Variants in PAPLN observed in about 807,000 individuals in gnomAD.
PAPLN encodes papilin, proteoglycan like sulfated glycoprotein.
PAPLN carries 146 observed loss-of-function variants against 159.0 expected under a neutral mutation model. The ratio of observed to expected loss-of-function variants is 0.92; its 90% CI spans 0.80 to 1.05. The LOEUF is 1.05. Ranked by LOEUF, PAPLN falls within the 50% of genes least tolerant of loss-of-function variation. The probability of loss-of-function intolerance (pLI) is 0.00; values close to 1 mark genes in which losing one functional copy is unlikely to be tolerated. For missense variants in PAPLN, 1,720 were observed against 1,743.9 expected, an observed-to-expected ratio of 0.99 and a Z score of 0.24; for synonymous variants, 734 against 702.9, an observed-to-expected ratio of 1.04 and a Z score of -0.70.
chr14:73,263,812 C>T (rs1477018188), intron 20 of PAPLN, 30 bp downstream of exon 20: 4 of 1,579,388 alleles, frequency 2.5e-6, no homozygotes, highest in East Asian at 2.3e-5. Flanking sequence ...CCTCCTCTGA[C>T]AGGTGTGACA....
Position 73,254,863 on chromosome 14 carries a change from C to A in PAPLN, c.1486-14C>A, listed in dbSNP as rs772606341. The stretch of plus-strand genomic sequence containing the variant: ...GCCCTCAGCATCTCTCTCTCTCCCA[C>A]TCGTGGGCCTCAGTGCTCCAAGAGC... On this transcript the variant is annotated splice_polypyrimidine_tract_variant and intron_variant, in intron 13 of 26. Coordinates refer to ENST00000644200, the MANE Select transcript of PAPLN (RefSeq NM_001365906.3). 1.2e-6 allele frequency: 2 copies of A among 1,610,108 alleles called. No homozygotes were observed. Among genetic ancestry groups the A allele is most frequent in the South Asian group, 1.1e-5 (1 of 91,032 alleles).
chr14:73,263,507 T>C (rs1594822931), intron 19 of PAPLN, 138 bp from the exon 20 acceptor site: 1 of 1,098,496 alleles, frequency 9.1e-7, no homozygotes, highest in South Asian at 1.4e-5. Context: ...GGGCTCTGCC[T>C]CCCATAGGGA....
Position 73,263,301 on chromosome 14 carries a change from C to T in PAPLN, c.2724-344C>T, listed in dbSNP as rs531637226. 4.6e-4 allele frequency: 188 copies of T among 406,506 alleles called. 1 individual carries two copies. The highest frequency in any genetic ancestry group is 3.3e-3 in the African/African-American group (166 of 50,788). 25.2% of individuals were successfully genotyped at this position (406,506 alleles called of 1,614,324 possible). On this transcript the variant is annotated intron_variant, in intron 19 of 26. Coordinates refer to ENST00000644200, the MANE Select transcript of PAPLN (RefSeq NM_001365906.3). ...GGAAGGTTAAAAACAAAATTAAAAG[C>T]GTTGTGTTCCACATGGGTCGAGCGT...
chr14:73,242,367 C>T (rs1004131388), intron 2 of PAPLN, among the ~76,000 whole-genome samples: 2 of 152,234 alleles, frequency 1.3e-5, no homozygotes, highest in African/African-American at 4.8e-5. Context: ...ACACCCAGCC[C>T]AGCTCCAGGG....
At chr14:73,266,430 C>A in intron 23 of PAPLN, 71 bp from the exon 24 acceptor site, 1 of 1,566,650 alleles carries the variant, frequency 6.4e-7, no homozygotes, top group Non-Finnish European at 8.7e-7. Flanking sequence ...TGACCCCATG[C>A]TCGAGGGACG....
At chr14:73,241,234 CA>C (rs1883507902) in intron 2 of PAPLN, among the ~76,000 whole-genome samples, 1 of 152,186 alleles carries the variant, frequency 6.6e-6, no homozygotes, top group African/African-American at 2.4e-5. Context: ...GACCACCTGC[CA>C]GCTACCCACG....
Position 73,265,464 on chromosome 14 carries a change from G to C in PAPLN, c.3220G>C (p.Ala1074Pro). Residue 1074 changes from alanine to proline, a missense_variant, in exon 23 of 27, where the codon GCC becomes CCC. Transcript: ENST00000644200. This position sits in a 1 kb window ranked among gnomAD's most constrained non-coding sequence, Gnocchi z 4.1. Reference protein sequence around the residue: ...TCRAEGFPPPAIEWQRDGQPV... With the variant: ...TCRAEGFPPPPIEWQRDGQPV... Reference sequence around the variant, plus strand: ...CCGTGCCGAAGGCTTCCCGCCCCCAGCCATCGAGTGGCAGAGAGATGGGCA... The same window carrying C: ...CCGTGCCGAAGGCTTCCCGCCCCCACCCATCGAGTGGCAGAGAGATGGGCA... 1 of 1,613,812 alleles carries C rather than the reference G, an allele frequency of 6.2e-7. No homozygotes were observed. The highest frequency in any genetic ancestry group is 1.3e-5 in the African/African-American group (1 of 75,058).
chr14:73,254,164 C>T (rs1199841944), intron 12 of PAPLN, among the ~76,000 whole-genome samples: 2 of 152,138 alleles, frequency 1.3e-5, no homozygotes, highest in Non-Finnish European at 2.9e-5. Flanking sequence ...CTCCAGGATC[C>T]CAGGGCAGGG....
At chr14:73,263,341 A>G in intron 19 of PAPLN, 2 of 512,346 alleles carry the variant, frequency 3.9e-6, no homozygotes, top group Non-Finnish European at 7.0e-6. Flanking sequence ...TTTAGCCCCC[A>G]CATGAACCTG....
chr14:73,238,009 C>A (rs1883153424), intron 1 of PAPLN, among the ~76,000 whole-genome samples: 2 of 152,174 alleles, frequency 1.3e-5, no homozygotes, highest in Admixed American at 6.5e-5. Flanking sequence ...TGCGCGGCCA[C>A]CCCGGGCCTC....
chr14:73,237,717 G>A (rs1029203118), intron 1 of PAPLN, 125 bp downstream of exon 1: 5 of 152,246 alleles, frequency 3.3e-5, no homozygotes, highest in African/African-American at 9.7e-5. Flanking sequence ...AGTGGGGGCC[G>A]CAGAGAAGAC....
At position 73,266,704 on chromosome 14, in the gene PAPLN, G is replaced by A; in HGVS notation, c.3392-19G>A. 1 of 1,614,108 alleles carries A rather than the reference G, an allele frequency of 6.2e-7. No homozygotes were observed. The highest frequency in any genetic ancestry group is 8.5e-7 in the Non-Finnish European group (1 of 1,179,968). ...CAGGATCTTCATAGTGGCTGACAAT[G>A]ACTTGTCCTTGTGCCCAGGGGAGCT... On this transcript the variant is annotated intron_variant, in intron 24 of 26. Coordinates refer to ENST00000644200, the MANE Select transcript of PAPLN (RefSeq NM_001365906.3).
intron 25 of PAPLN, 193 bp from the exon 26 acceptor site, chr14:73,268,364 G>A: frequency 1.9e-6 from 1 of 532,162 alleles, no homozygotes; most frequent in South Asian, 2.9e-5. Flanking sequence ...TCCCAAGGTT[G>A]GAGGGGCACC....
intron 14 of PAPLN, 86 bp downstream of exon 14, chr14:73,255,104 C>A: frequency 6.7e-7 from 1 of 1,496,052 alleles, no homozygotes; most frequent in Non-Finnish European, 9.0e-7. Context: ...TGCCTCGGGG[C>A]CTCTGCCTGC....
intron 1 of PAPLN, 59 bp from the exon 2 acceptor site, chr14:73,239,714 C>A: frequency 6.5e-7 from 1 of 1,534,228 alleles, no homozygotes; most frequent in South Asian, 1.2e-5. Flanking sequence ...ACACTCTCGC[C>A]CGCGCCCAGG....
At chr14:73,256,532 C>CAAAAAA (rs57667060) in intron 14 of PAPLN, among the ~76,000 whole-genome samples, 9 of 92,710 alleles carry the variant, frequency 9.7e-5, no homozygotes, top group African/African-American at 1.2e-4. Context: ...GACTCTGTCT[C>CAAAAAA]AAAAAAAAAA....
chr14:73,246,155 G>A lies in PAPLN; in HGVS notation c.314G>A (p.Arg105Gln), dbSNP rs376726852. Residue 105 changes from arginine (R) to glutamine (Q), a missense_variant, in exon 5 of 27, where the codon CGG becomes CAG. Transcript: ENST00000644200. ...DGAEFQGRRY[R>Q]WLPYYSAPNK... ...GCGGAGTTCCAGGGGCGGCGGTATC[G>A]GTGGCTGCCCTACTACAGCGGTGAG... 8.8e-6 allele frequency: 14 copies of A among 1,589,904 alleles called. No homozygotes were observed. Among genetic ancestry groups the A allele is most frequent in the Admixed American group, 5.3e-5 (3 of 56,454 alleles).
At chr14:73,259,129 G>A (rs1886263451) in intron 15 of PAPLN, 70 bp downstream of exon 15, 3 of 1,543,562 alleles carry the variant, frequency 1.9e-6, no homozygotes, top group Non-Finnish European at 2.6e-6. Context: ...GTACATGGGG[G>A]TGTGGGGGTC....
Position 73,265,620 on chromosome 14 carries a change from G to A in PAPLN, c.3263+113G>A, listed in dbSNP as rs1438128970. 53 of 1,449,922 alleles carry A rather than the reference G, an allele frequency of 3.7e-5. No individual in the cohort carries two copies. The highest frequency in any genetic ancestry group is 3.5e-4 in the East Asian group (15 of 42,610). The allele number at this position is 1,449,922 out of a possible 1,614,324, so 89.8% of individuals were successfully genotyped here. A position where few individuals can be genotyped will look rare whatever the true frequency, so the allele number is the denominator to read the frequency against. ...GCATGGTCATGGCCAGTCCTGAGCC[G>A]GACTCCAGGGCCTCTTGAGAGATGG... On this transcript the variant is annotated intron_variant, in intron 23 of 26. Transcript: ENST00000644200. This position sits in a 1 kb window ranked among gnomAD's most constrained non-coding sequence, Gnocchi z 4.1.
Sources: gnomAD v4.1 joint callset for allele counts (sites outside exome capture counted in the v4.1 genomes callset) on GRCh38, gnomAD v4.1.1 for gene constraint, Gnocchi (gnomAD v3.1) non-coding constraint, MANE v1.5 for transcripts, NCBI Gene and HGNC (gene_info 2026-07-23, HGNC 2026-07-21) for gene names.